FRMPD4: variants seen among roughly 807,000 people sequenced by gnomAD.
FRMPD4 encodes the protein FERM and PDZ domain containing 4.
Under a neutral mutation model 94.1 loss-of-function variants are expected in FRMPD4, and 22 were observed. The observed-to-expected ratio is 0.23, with a 90% confidence interval of 0.17 to 0.33. The LOEUF (loss-of-function observed/expected upper bound fraction) is 0.33. Ranked by LOEUF, FRMPD4 falls within the 10% of genes least tolerant of loss-of-function variation. The pLI is 1.00. For missense variants in FRMPD4, 1,111 were observed against 1,339.9 expected (o/e 0.83, Z 2.67); for synonymous variants, 631 against 548.6 (o/e 1.15, Z -2.10).
chrX:12,232,600 T>G (rs1458591741), intron 1 of FRMPD4, among the ~76,000 whole-genome samples: 1 of 111,227 alleles, frequency 9.0e-6, no homozygotes, highest in Non-Finnish European at 1.9e-5. Flanking sequence ...TAGAACATAC[T>G]GGTCTCACCT....
At chrX:11,884,625 AAT>A (rs773931185) in intron 3 of FRMPD4, among the ~76,000 whole-genome samples, 196 of 111,255 alleles carry the variant, frequency 1.8e-3, no homozygotes, top group African/African-American at 5.8e-3. Flanking sequence ...ACATAATATG[AAT>A]ATATATATAT....
intron 1 of FRMPD4, among the ~76,000 whole-genome samples, chrX:12,295,738 C>A (rs753502554): frequency 2.4e-4 from 27 of 111,624 alleles, no homozygotes; most frequent in Middle Eastern, 4.6e-3. Flanking sequence ...TTTCTGTATT[C>A]TAATTCATTA....
chrX:12,341,580 C>T, intron 1 of FRMPD4: 1 of 323,878 alleles, frequency 3.1e-6, no homozygotes, highest in Non-Finnish European at 6.0e-6. Flanking sequence ...AGTGTCCCCA[C>T]TTACAGTTAA....
chrX:12,422,456 A>G (rs7887797), intron 1 of FRMPD4, among the ~76,000 whole-genome samples: 20,236 of 111,708 alleles, frequency 0.18, 1,372 homozygotes, highest in South Asian at 0.27. Context: ...ATCCTAGTTT[A>G]TTCATCTGAA....
chrX:12,641,964 G>A (rs773725567), intron 4 of FRMPD4, among the ~76,000 whole-genome samples: 113 of 111,584 alleles, frequency 1.0e-3, no homozygotes, highest in Non-Finnish European at 1.9e-3. Flanking sequence ...TTGCGTCCCA[G>A]GCACTTCCTT....
At chrX:12,566,279 T>A (rs1238585186) in intron 2 of FRMPD4, among the ~76,000 whole-genome samples, 1 of 111,656 alleles carries the variant, frequency 9.0e-6, no homozygotes, top group Non-Finnish European at 1.9e-5. Context: ...TCCTCCATGA[T>A]CTTGCTCAGG....
At chrX:12,631,096 T>C (rs1287504952) in intron 4 of FRMPD4, among the ~76,000 whole-genome samples, 1 of 111,196 alleles carries the variant, frequency 9.0e-6, no homozygotes, top group Non-Finnish European at 1.9e-5. Context: ...GTACAGCGCT[T>C]TTCCTCCCCT....
rs758164228 is a variant in FRMPD4, at chrX:12,471,258, T to C, written c.42-27422T>C. Among the ~76,000 whole-genome samples the C allele has an allele frequency of 3.6e-5, 4 of 112,132 alleles. No individual in the cohort carries two copies. In the East Asian group the frequency reaches 1.1e-3, roughly 31 times the overall value. On this transcript the variant is annotated intron_variant, in intron 1 of 16. Coordinates refer to ENST00000675598, the MANE Select transcript of FRMPD4 (RefSeq NM_001368397.1). ...CATGTCAGTGCTTGAGTGGTAGCCATTCTCTGTTAACAAACCACATTCCAC... is the reference window on the plus strand; with the variant it reads ...CATGTCAGTGCTTGAGTGGTAGCCACTCTCTGTTAACAAACCACATTCCAC...
chrX:12,571,831 G>C (rs1348125724), intron 2 of FRMPD4, among the ~76,000 whole-genome samples: 3 of 112,125 alleles, frequency 2.7e-5, no homozygotes, highest in Non-Finnish European at 5.6e-5. Flanking sequence ...GTTAAACATG[G>C]GGTCACTGAA....
intron 3 of FRMPD4, among the ~76,000 whole-genome samples, chrX:12,613,749 G>A (rs1180463681): frequency 1.8e-5 from 2 of 111,999 alleles, no homozygotes; most frequent in African/African-American, 3.2e-5. Context: ...AGGCTGAGGC[G>A]GGTGGATCAC....
intron 3 of FRMPD4, among the ~76,000 whole-genome samples, chrX:12,003,968 C>A (rs1234068290): frequency 8.9e-6 from 1 of 111,838 alleles, no homozygotes; most frequent in African/African-American, 3.3e-5. Context: ...TCTCTCCTTC[C>A]TTCTACTTCC....
chrX:11,853,464 T>A (rs1286861338), intron 1 of FRMPD4, among the ~76,000 whole-genome samples: 1 of 110,104 alleles, frequency 9.1e-6, no homozygotes, highest in African/African-American at 3.3e-5. Flanking sequence ...TTAAAAAAAA[T>A]TAAAAATATA....
intron 2 of FRMPD4, among the ~76,000 whole-genome samples, chrX:12,519,158 A>G (rs1254813381): frequency 8.9e-6 from 1 of 112,527 alleles, no homozygotes; most frequent in African/African-American, 3.2e-5. Flanking sequence ...TCCTGTAAAT[A>G]TGACAGTGAA....
At chrX:12,271,347 C>T (rs2054352344) in intron 1 of FRMPD4, among the ~76,000 whole-genome samples, 2 of 112,325 alleles carry the variant, frequency 1.8e-5, no homozygotes, top group South Asian at 7.5e-4. Context: ...ATCTTCCCCA[C>T]CCCACAGTGG....
intron 10 of FRMPD4, among the ~76,000 whole-genome samples, chrX:12,703,466 G>A (rs1450956094): frequency 1.8e-5 from 2 of 111,736 alleles, no homozygotes; most frequent in Non-Finnish European, 3.8e-5. Flanking sequence ...GTCAAGTGGT[G>A]GGGGTAGGTT....
intron 4 of FRMPD4, among the ~76,000 whole-genome samples, chrX:12,658,495 A>C (rs2059681813): frequency 9.0e-6 from 1 of 111,426 alleles, no homozygotes; most frequent in African/African-American, 3.3e-5. Context: ...GTTAAAACAC[A>C]CTCTGTTATT....
chrX:11,898,878 T>TG (rs2147327359), intron 3 of FRMPD4, among the ~76,000 whole-genome samples: 1 of 111,573 alleles, frequency 9.0e-6, no homozygotes, highest in East Asian at 2.8e-4. Flanking sequence ...GGTTTGGGCC[T>TG]GAATAAGTGG....
chrX:12,105,744 T>A (rs1292640023), intron 3 of FRMPD4, among the ~76,000 whole-genome samples: 1 of 112,206 alleles, frequency 8.9e-6, no homozygotes, highest in African/African-American at 3.2e-5. Context: ...ATTTAGTATT[T>A]ATTTATTGAG....
chrX:12,105,236 A>C (rs2055287348), intron 3 of FRMPD4, among the ~76,000 whole-genome samples: 1 of 111,347 alleles, frequency 9.0e-6, no homozygotes, highest in African/African-American at 3.3e-5. Context: ...CTTGGCACTT[A>C]CTCCTCAGGT....
Sources: gnomAD v4.1 joint callset for allele counts (sites outside exome capture counted in the v4.1 genomes callset) on GRCh38, gnomAD v4.1.1 for gene constraint, MANE v1.5 for transcripts, NCBI Gene and HGNC (gene_info 2026-07-23, HGNC 2026-07-21) for gene names.